The following GABRB2 variants were observed in gnomAD, a reference collection of about 807,000 sequenced individuals.
GABRB2 encodes the protein gamma-aminobutyric acid receptor subunit beta-2.
A neutral mutation model predicts 54.7 loss-of-function variants in GABRB2; 16 were observed. The observed-to-expected ratio is 0.29, with a 90% CI of 0.20 to 0.44. GABRB2 has a LOEUF of 0.44. Ranked by LOEUF, GABRB2 falls within the 20% of genes least tolerant of loss-of-function variation. The probability of loss-of-function intolerance (pLI) is 1.00; values close to 1 mark genes in which losing one functional copy is unlikely to be tolerated. For missense variants in GABRB2, 355 were observed against 644.0 expected (o/e 0.55, Z 4.86); for synonymous variants, 244 against 233.8 (o/e 1.04, Z -0.40).
chr5:161,301,008 G>T (rs1167382595), intron 9 of GABRB2, among the ~76,000 whole-genome samples: 2 of 152,112 alleles, frequency 1.3e-5, no homozygotes, highest in African/African-American at 4.8e-5. Context: ...ATTTAATGTT[G>T]ATCTTGAAAG....
chr5:161,494,376 A>C (rs1034296437), intron 3 of GABRB2, among the ~76,000 whole-genome samples: 4 of 151,882 alleles, frequency 2.6e-5, no homozygotes, highest in Non-Finnish European at 5.9e-5. Flanking sequence ...AGATGAGAAG[A>C]GACCATGAGA....
chr5:161,378,407 C>T (rs1219795114), intron 5 of GABRB2, among the ~76,000 whole-genome samples: 1 of 152,138 alleles, frequency 6.6e-6, no homozygotes, highest in Non-Finnish European at 1.5e-5. Flanking sequence ...TGTTTTCCTA[C>T]AATACCTGTA....
intron 9 of GABRB2, among the ~76,000 whole-genome samples, chr5:161,312,702 T>G (rs869648): frequency 1.3e-5 from 2 of 152,114 alleles, no homozygotes; most frequent in Non-Finnish European, 2.9e-5. Flanking sequence ...TAAAGTTTTG[T>G]GAGCATCGAG....
At chr5:161,396,475 C>T (rs890007531) in intron 5 of GABRB2, among the ~76,000 whole-genome samples, 29 of 152,196 alleles carry the variant, frequency 1.9e-4, no homozygotes, top group African/African-American at 6.5e-4. Context: ...ATAACAAACC[C>T]ACTTTTGTTA....
In GABRB2 at chr5:161,321,840, A is replaced by C. The variant is rs1580977674; in HGVS notation, c.1191+4528T>G. On this transcript the variant is annotated intron_variant, in intron 9 of 9. Transcript: ENST00000393959. The stretch of plus-strand genomic sequence containing the variant: ...AGTTAAATATGTTGTATAATTTTTA[A>C]TCTTGGAACCCATTACATCCTTTTA... Among the ~76,000 whole-genome samples the C allele has an allele frequency of 2.0e-5, 3 of 152,224 alleles. No individual in the cohort carries two copies. In the East Asian group the frequency reaches 5.8e-4, roughly 29 times the overall value.
intron 4 of GABRB2, among the ~76,000 whole-genome samples, chr5:161,437,258 G>A (rs1195100243): frequency 6.6e-6 from 1 of 151,734 alleles, no homozygotes; most frequent in Non-Finnish European, 1.5e-5. Context: ...TTGAGGAGAG[G>A]AGAGGAAGGA....
intron 5 of GABRB2, among the ~76,000 whole-genome samples, chr5:161,407,658 C>T (rs1389870208): frequency 6.6e-6 from 1 of 151,862 alleles, no homozygotes; most frequent in Non-Finnish European, 1.5e-5. Context: ...TTCCAGTGTC[C>T]CTTTCCCAAC....
intron 5 of GABRB2, among the ~76,000 whole-genome samples, chr5:161,378,843 G>T (rs1212632503): frequency 1.3e-5 from 2 of 152,166 alleles, no homozygotes; most frequent in African/African-American, 4.8e-5. Context: ...TATTAAAATG[G>T]AATCAGTTCC....
intron 4 of GABRB2, among the ~76,000 whole-genome samples, chr5:161,426,474 T>C (rs1359309698): frequency 6.6e-6 from 1 of 151,832 alleles, no homozygotes; most frequent in Non-Finnish European, 1.5e-5. Context: ...ACAAAAATCA[T>C]CTAGAAGACA....
chr5:161,317,481 A>T (rs1758077170), intron 9 of GABRB2, among the ~76,000 whole-genome samples: 1 of 152,222 alleles, frequency 6.6e-6, no homozygotes, highest in Non-Finnish European at 1.5e-5. Flanking sequence ...AAAGTTGATC[A>T]TTCTTGCACT....
intron 3 of GABRB2, among the ~76,000 whole-genome samples, chr5:161,480,000 A>G (rs1758711298): frequency 6.6e-6 from 1 of 152,140 alleles, no homozygotes; most frequent in Non-Finnish European, 1.5e-5. Flanking sequence ...ATACACACAC[A>G]GACTTCATAA....
chr5:161,540,489 A>G (rs925879999), intron 3 of GABRB2, among the ~76,000 whole-genome samples: 2 of 152,120 alleles, frequency 1.3e-5, no homozygotes, highest in African/African-American at 2.4e-5. Context: ...ATTTCTTCCA[A>G]ACTCCTGTTA....
At chr5:161,474,835 A>G (rs778913316) in intron 3 of GABRB2, among the ~76,000 whole-genome samples, 5 of 151,942 alleles carry the variant, frequency 3.3e-5, no homozygotes, top group Non-Finnish European at 7.4e-5. Context: ...GGTATAGTCA[A>G]TTACATACCC....
At chr5:161,310,677 GCACACACACA>G (rs71579135) in intron 9 of GABRB2, among the ~76,000 whole-genome samples, 1 of 150,604 alleles carries the variant, frequency 6.6e-6, no homozygotes, top group African/African-American at 2.4e-5. Flanking sequence ...GCGCACGCGC[GCACACACACA>G]CACACACACA....
chr5:161,338,974 G>A (rs921954115), intron 5 of GABRB2, among the ~76,000 whole-genome samples: 1 of 152,010 alleles, frequency 6.6e-6, no homozygotes, highest in Non-Finnish European at 1.5e-5. Context: ...CTTTTCCTAT[G>A]ATTTCAACTT....
intron 3 of GABRB2, among the ~76,000 whole-genome samples, chr5:161,525,533 A>G (rs1453945852): frequency 6.6e-6 from 1 of 151,300 alleles, no homozygotes; most frequent in Non-Finnish European, 1.5e-5. Context: ...TGATACATCA[A>G]ATCAGAAGCC....
chr5:161,518,491 T>A (rs1354736183), intron 3 of GABRB2, among the ~76,000 whole-genome samples: 1 of 152,226 alleles, frequency 6.6e-6, no homozygotes, highest in Non-Finnish European at 1.5e-5. Context: ...ACTTTTGTGA[T>A]GGTTCATAGT....
At chr5:161,471,019 C>G (rs960053006) in intron 3 of GABRB2, among the ~76,000 whole-genome samples, 1 of 151,930 alleles carries the variant, frequency 6.6e-6, no homozygotes, top group Non-Finnish European at 1.5e-5. Context: ...CTGAATCACC[C>G]AAGAAATTTG....
chr5:161,317,938 A>T (rs1758091235), intron 9 of GABRB2, among the ~76,000 whole-genome samples: 1 of 152,050 alleles, frequency 6.6e-6, no homozygotes, highest in Admixed American at 6.5e-5. Flanking sequence ...TAAACTGCAA[A>T]GGGAGAGCAA....
Sources: allele counts gnomAD v4.1 joint callset (sites outside exome capture counted in the v4.1 genomes callset), GRCh38; gene constraint gnomAD v4.1.1; transcripts MANE v1.5; gene names NCBI Gene and HGNC (gene_info 2026-07-23, HGNC 2026-07-21).